Variants in TRIM33 observed in about 807,000 individuals in gnomAD.
TRIM33 encodes the protein E3 ubiquitin-protein ligase TRIM33.
In TRIM33, 20 loss-of-function variants were observed where a neutral mutation model predicts 125.4. The observed-to-expected ratio is 0.16, with a 90% CI of 0.11 to 0.23. TRIM33 has a LOEUF of 0.23. Ranked by LOEUF, TRIM33 falls within the 10% of genes least tolerant of loss-of-function variation. The pLI is 1.00. For synonymous variants in TRIM33, 564 were observed against 513.9 expected (o/e 1.10, Z -1.32); for missense variants, 920 against 1,411.4 (o/e 0.65, Z 5.58).
intron 4 of TRIM33, among the ~76,000 whole-genome samples, chr1:114,440,980 G>A (rs1003750761): frequency 2.0e-5 from 3 of 152,134 alleles, no homozygotes; most frequent in East Asian, 1.9e-4. Flanking sequence ...TATAAATTAC[G>A]TATCTTGTGA....
rs1275626276 is a variant in TRIM33, at chr1:114,395,972, A to T, written c.*1676T>A. ...ATTCAATATGCATTAAAAAATATTGACCTCTTAGACAATTACGTGAAATAA... is the reference window on the plus strand; with the variant it reads ...ATTCAATATGCATTAAAAAATATTGTCCTCTTAGACAATTACGTGAAATAA... On this transcript the variant is annotated 3_prime_UTR_variant, in exon 20 of 20. Transcript: ENST00000358465. The T allele has an allele frequency of 5.1e-6, 1 of 195,182 alleles. No homozygotes were observed. The highest frequency in any genetic ancestry group is 8.0e-5 in the East Asian group (1 of 12,508). The allele number at this position is 195,182 out of a possible 1,614,324, so 12.1% of individuals were successfully genotyped here. A position where few individuals can be genotyped will look rare whatever the true frequency, so the allele number is the denominator to read the frequency against.
At chr1:114,401,186 G>A (rs891552966) in intron 17 of TRIM33, among the ~76,000 whole-genome samples, 17 of 152,044 alleles carry the variant, frequency 1.1e-4, no homozygotes, top group African/African-American at 3.9e-4. Flanking sequence ...ACAGGTGCCC[G>A]CCACCGTGCC....
At chr1:114,422,313 A>T (rs1262211053) in intron 10 of TRIM33, among the ~76,000 whole-genome samples, 1 of 152,194 alleles carries the variant, frequency 6.6e-6, no homozygotes, top group African/African-American at 2.4e-5. Flanking sequence ...CCCAAAGTCT[A>T]AGGAAAATGT....
intron 9 of TRIM33, 41 bp downstream of exon 9, chr1:114,425,408 C>T: frequency 1.2e-6 from 2 of 1,600,320 alleles, no homozygotes; most frequent in African/African-American, 1.3e-5. Context: ...GTGTTGAGGG[C>T]TTCATAATTT....
chr1:114,433,919 C>T (rs1274527428), intron 4 of TRIM33, among the ~76,000 whole-genome samples, 186 bp from the exon 5 acceptor site: 1 of 152,142 alleles, frequency 6.6e-6, no homozygotes, highest in Admixed American at 6.5e-5. Flanking sequence ...AACTCTGACC[C>T]TGAAAGGCCA....
At chr1:114,484,121 T>G (rs542982965) in intron 1 of TRIM33, among the ~76,000 whole-genome samples, 3 of 152,224 alleles carry the variant, frequency 2.0e-5, no homozygotes, top group African/African-American at 7.2e-5. Context: ...ATGTTTTATT[T>G]TGAAATAATG....
chr1:114,477,665 G>A (rs1030299013), intron 1 of TRIM33, among the ~76,000 whole-genome samples: 2 of 152,194 alleles, frequency 1.3e-5, no homozygotes, highest in East Asian at 1.9e-4. Flanking sequence ...AGATTTTAGA[G>A]CATCACTGTG....
At chr1:114,444,080 T>C (rs1040967766) in intron 4 of TRIM33, among the ~76,000 whole-genome samples, 2 of 152,116 alleles carry the variant, frequency 1.3e-5, no homozygotes, top group Admixed American at 6.6e-5. Context: ...CCTCTCTGTC[T>C]GTAGACAATT....
rs1648639103 is a variant in TRIM33, at chr1:114,441,348, T to C, written c.924-7615A>G. On this transcript the variant is annotated intron_variant, in intron 4 of 19. Coordinates refer to ENST00000358465, the MANE Select transcript of TRIM33 (RefSeq NM_015906.4). The stretch of plus-strand genomic sequence containing the variant: ...TATTTATATGAACTAAATTTGCCTA[T>C]TTGCCAAGAAATATTCAAAGGGTAG... 2.0e-5 allele frequency among the ~76,000 whole-genome samples: 3 copies of C among 152,300 alleles called. No individual in the cohort carries two copies. In the South Asian group the frequency reaches 6.2e-4, roughly 32 times the overall value.
At chr1:114,489,805 C>T (rs1165238376) in intron 1 of TRIM33, among the ~76,000 whole-genome samples, 1 of 151,400 alleles carries the variant, frequency 6.6e-6, no homozygotes, top group African/African-American at 2.4e-5. Context: ...ATAACTAAAG[C>T]CAATGAACAC....
chr1:114,497,771 C>T (rs906253078), intron 1 of TRIM33, among the ~76,000 whole-genome samples: 6 of 151,766 alleles, frequency 4.0e-5, no homozygotes, highest in African/African-American at 1.5e-4. Flanking sequence ...ACAGGCCCCA[C>T]ACAGAAGCAC....
At chr1:114,401,813 C>G (rs1651911955) in intron 16 of TRIM33, among the ~76,000 whole-genome samples, 2 of 152,052 alleles carry the variant, frequency 1.3e-5, no homozygotes, top group Admixed American at 6.6e-5. Context: ...ATGGTAATTC[C>G]TTAGACAGGC....
At chr1:114,500,872 A>T (rs1310024886) in intron 1 of TRIM33, among the ~76,000 whole-genome samples, 1 of 152,144 alleles carries the variant, frequency 6.6e-6, no homozygotes, top group Non-Finnish European at 1.5e-5. Context: ...AAACAACAAT[A>T]ATTATTTCTC....
At chr1:114,410,660 T>C (rs2101110019) in intron 11 of TRIM33, among the ~76,000 whole-genome samples, 1 of 152,222 alleles carries the variant, frequency 6.6e-6, no homozygotes, top group African/African-American at 2.4e-5. Flanking sequence ...TCCATTTCAG[T>C]GTCCACAATC....
At chr1:114,424,922 G>A (rs1414246217) in intron 9 of TRIM33, among the ~76,000 whole-genome samples, 167 bp from the exon 10 acceptor site, 1 of 152,092 alleles carries the variant, frequency 6.6e-6, no homozygotes. Flanking sequence ...GTAATGACTA[G>A]TTTGTATATC....
intron 5 of TRIM33, among the ~76,000 whole-genome samples, chr1:114,432,680 G>C (rs1388663154): frequency 2.0e-5 from 3 of 152,152 alleles, no homozygotes; most frequent in African/African-American, 7.2e-5. Context: ...CAGCTACTCG[G>C]GAGGCTGAGG....
At chr1:114,432,781 G>A (rs552877049) in intron 5 of TRIM33, among the ~76,000 whole-genome samples, 4 of 151,434 alleles carry the variant, frequency 2.6e-5, no homozygotes, top group Non-Finnish European at 4.4e-5. Flanking sequence ...CCGAGACTCC[G>A]TCTCAAAAAA....
chr1:114,495,455 C>T lies in TRIM33; in HGVS notation c.526+15096G>A, dbSNP rs188537229. Among the ~76,000 whole-genome samples the T allele has an allele frequency of 5.1e-3, 775 of 152,166 alleles. 8 individuals carry two copies. Among genetic ancestry groups the T allele is most frequent in the African/African-American group, 0.018 (735 of 41,504 alleles). Reference sequence around the variant, plus strand: ...TTTTTAATTGGGCAAAACTTCATTCCGCAAAATAGAATGAGTCTTCCCTCT... The same window carrying T: ...TTTTTAATTGGGCAAAACTTCATTCTGCAAAATAGAATGAGTCTTCCCTCT... On this transcript the variant is annotated intron_variant, in intron 1 of 19. Coordinates refer to ENST00000358465, the MANE Select transcript of TRIM33 (RefSeq NM_015906.4).
rs1652924511 is a variant in TRIM33 at position 114,416,061 on chromosome 1, A to C, written c.2061+5375T>G. Among the ~76,000 whole-genome samples, 7 of 152,096 alleles carry C rather than the reference A, an allele frequency of 4.6e-5. No individual in the cohort carries two copies. In the South Asian group the frequency reaches 1.4e-3, roughly 31 times the overall value. On this transcript the variant is annotated intron_variant, in intron 11 of 19. Coordinates refer to ENST00000358465, the MANE Select transcript of TRIM33 (RefSeq NM_015906.4). ...GACCATTTCCGTTTGATCCTTCTATAATCAGTACTTAGGGTCTTAATACAT... is the reference window on the plus strand; with the variant it reads ...GACCATTTCCGTTTGATCCTTCTATCATCAGTACTTAGGGTCTTAATACAT...
Sources: allele counts gnomAD v4.1 joint callset (sites outside exome capture counted in the v4.1 genomes callset), GRCh38; gene constraint gnomAD v4.1.1; transcripts MANE v1.5; gene names NCBI Gene and HGNC (gene_info 2026-07-23, HGNC 2026-07-21).